ZNF512: variants seen among roughly 807,000 people sequenced by gnomAD.
ZNF512 encodes the protein zinc finger protein 512.
ZNF512 carries 25 observed loss-of-function variants against 77.5 expected under a neutral mutation model. The ratio of observed to expected loss-of-function variants is 0.32; its 90% CI spans 0.23 to 0.45. ZNF512 has a LOEUF of 0.45. Among genes scored for constraint, ZNF512 ranks in the 20% least tolerant of loss-of-function variants. The probability of loss-of-function intolerance (pLI) is 1.00; values close to 1 mark genes in which losing one functional copy is unlikely to be tolerated. For missense variants in ZNF512, 483 were observed against 692.6 expected, an observed-to-expected ratio of 0.70 and a Z score of 3.40; for synonymous variants, 246 against 239.9, an observed-to-expected ratio of 1.03 and a Z score of -0.24.
Position 27,615,272 on chromosome 2 carries a change from G to C in ZNF512, c.1233+3G>C, listed in dbSNP as rs758954467. On this transcript the variant is annotated splice_donor_region_variant and intron_variant, in intron 11 of 13. Transcript: ENST00000355467. ...ATCGTATTCAGTGTCCTAACCAGGT[G>C]GTTCTTTCTCATTCATTTATTCAGT... 42 of 1,558,814 alleles carry C rather than the reference G, an allele frequency of 2.7e-5. No individual in the cohort carries two copies. Among genetic ancestry groups the C allele is most frequent in the Non-Finnish European group, 3.5e-5 (40 of 1,148,878 alleles).
In ZNF512 at chr2:27,610,490, A is replaced by G. The variant is rs1349283568; in HGVS notation, c.1131+2451A>G. On this transcript the variant is annotated intron_variant, in intron 10 of 13. Coordinates refer to ENST00000355467, the MANE Select transcript of ZNF512 (RefSeq NM_032434.4). ...TATGTGTATATGTGTATATATATAT[A>G]TGTGTATATGTGTATATATATGTGT... is the stretch of plus-strand genomic sequence containing the variant. Among the ~76,000 whole-genome samples, 55 of 126,134 alleles carry G rather than the reference A, an allele frequency of 4.4e-4. 1 individual carries two copies. Among genetic ancestry groups the G allele is most frequent in the African/African-American group, 1.4e-3 (43 of 30,768 alleles). 82.7% of individuals were successfully genotyped at this position (126,134 alleles called of 152,430 possible). A position where few individuals can be genotyped will look rare whatever the true frequency, so the allele number is the denominator to read the frequency against.
At chr2:27,600,669 T>C (rs753439721) in intron 5 of ZNF512, 22 bp from the exon 6 acceptor site, 2 of 1,606,354 alleles carry the variant, frequency 1.2e-6, no homozygotes, top group South Asian at 1.1e-5. Flanking sequence ...GATTACAAAG[T>C]GTTTCTTTCT....
chr2:27,600,124 A>T, intron 5 of ZNF512, 71 bp downstream of exon 5: 1 of 1,519,424 alleles, frequency 6.6e-7, no homozygotes, highest in Non-Finnish European at 9.0e-7. Context: ...GTTGTCTGTG[A>T]AGGAATGAGG....
intron 10 of ZNF512, among the ~76,000 whole-genome samples, chr2:27,608,419 A>G (rs1365674339): frequency 6.6e-6 from 1 of 152,134 alleles, no homozygotes; most frequent in Non-Finnish European, 1.5e-5. Flanking sequence ...TTTTCAAAAT[A>G]AAATCCTATG....
chr2:27,586,740 A>G (rs1047611217), intron 2 of ZNF512, among the ~76,000 whole-genome samples: 13 of 152,170 alleles, frequency 8.5e-5, no homozygotes, highest in Non-Finnish European at 1.9e-4. Context: ...CATCTCTCTC[A>G]AAAGTTTGTT....
rs2148052654 is a variant in ZNF512, at chr2:27,622,297, C to G, written c.*836C>G. 6.5e-6 allele frequency: 1 copy of G among 152,798 alleles called. No homozygotes were observed. Among genetic ancestry groups the G allele is most frequent in the East Asian group, 1.9e-4 (1 of 5,326 alleles). 9.5% of individuals were successfully genotyped at this position (152,798 alleles called of 1,614,324 possible). A position where few individuals can be genotyped will look rare whatever the true frequency, so the allele number is the denominator to read the frequency against. On this transcript the variant is annotated 3_prime_UTR_variant, in exon 14 of 14. Coordinates refer to ENST00000355467, the MANE Select transcript of ZNF512 (RefSeq NM_032434.4). The stretch of plus-strand genomic sequence containing the variant: ...TTTGGTTTTAAGAATTGAGAAATAT[C>G]ACATTGCCCCTGATGTTTTGACAGT...
Position 27,596,662 on chromosome 2 carries a change from G to A in ZNF512, c.90-1405G>A, listed in dbSNP as rs186371796. On this transcript the variant is annotated intron_variant, in intron 2 of 13. Coordinates refer to ENST00000355467, the MANE Select transcript of ZNF512 (RefSeq NM_032434.4). Reference sequence around the variant, plus strand: ...TACTTGTTTTTGTTTGTTTTACAGAGTCCAGTGAGCAGGAGGGGTGGGCCT... The same window carrying A: ...TACTTGTTTTTGTTTGTTTTACAGAATCCAGTGAGCAGGAGGGGTGGGCCT... 1.3e-3 allele frequency among the ~76,000 whole-genome samples: 198 copies of A among 152,332 alleles called. 1 individual carries two copies. Among genetic ancestry groups the A allele is most frequent in the African/African-American group, 4.6e-3 (190 of 41,574 alleles).
At position 27,622,488 on chromosome 2, in the gene ZNF512, A is replaced by G. The variant is rs1234805768; in HGVS notation, c.*1027A>G. ...AGAATATTGTCCTATCCTCTTTTAT[A>G]TATGGAGTTCTCTCCTCTTTATATC... is the stretch of plus-strand genomic sequence containing the variant. On this transcript the variant is annotated 3_prime_UTR_variant, in exon 14 of 14. Coordinates refer to ENST00000355467, the MANE Select transcript of ZNF512 (RefSeq NM_032434.4). The G allele has an allele frequency of 6.5e-6, 1 of 152,722 alleles. No individual in the cohort carries two copies. Among genetic ancestry groups the G allele is most frequent in the African/African-American group, 2.4e-5 (1 of 41,434 alleles). The allele number at this position is 152,722 out of a possible 1,614,324, so 9.5% of individuals were successfully genotyped here.
At chr2:27,591,621 G>A (rs909742317) in intron 2 of ZNF512, among the ~76,000 whole-genome samples, 5 of 152,212 alleles carry the variant, frequency 3.3e-5, no homozygotes, top group Non-Finnish European at 4.4e-5. Context: ...ATGTTGGCCA[G>A]GATGGTCTTG....
rs976092265 is a variant in ZNF512 at position 27,622,604 on chromosome 2, T to C, written c.*1143T>C. 1 of 152,808 alleles carries C rather than the reference T, an allele frequency of 6.5e-6. No homozygotes were observed. Among genetic ancestry groups the C allele is most frequent in the African/African-American group, 2.4e-5 (1 of 41,464 alleles). 9.5% of individuals were successfully genotyped at this position (152,808 alleles called of 1,614,324 possible). Reference sequence around the variant, plus strand: ...CTCATGCCTATCTGGTAATGTTTAATGGGTTATTTCTCTTTGAGGGTGGCT... The same window carrying C: ...CTCATGCCTATCTGGTAATGTTTAACGGGTTATTTCTCTTTGAGGGTGGCT... On this transcript the variant is annotated 3_prime_UTR_variant, in exon 14 of 14. Coordinates refer to ENST00000355467, the MANE Select transcript of ZNF512 (RefSeq NM_032434.4).
intron 2 of ZNF512, among the ~76,000 whole-genome samples, chr2:27,595,819 G>A (rs1354478546): frequency 1.3e-5 from 2 of 151,986 alleles, no homozygotes; most frequent in Non-Finnish European, 2.9e-5. Context: ...TTTCTTGTGT[G>A]TTTTCTTTAT....
intron 13 of ZNF512, among the ~76,000 whole-genome samples, chr2:27,620,203 T>C (rs1361819966): frequency 6.6e-6 from 1 of 152,204 alleles, no homozygotes; most frequent in Non-Finnish European, 1.5e-5. Flanking sequence ...TATTGAGATA[T>C]TTTACATTTT....
intron 2 of ZNF512, among the ~76,000 whole-genome samples, chr2:27,594,999 C>T (rs992533027): frequency 3.3e-5 from 5 of 152,134 alleles, no homozygotes; most frequent in Non-Finnish European, 5.9e-5. Context: ...CGTGGCGGCG[C>T]GTGCCTGCAA....
intron 10 of ZNF512, among the ~76,000 whole-genome samples, chr2:27,609,153 T>C (rs2148033058): frequency 6.6e-6 from 1 of 151,250 alleles, no homozygotes; most frequent in African/African-American, 2.4e-5. Flanking sequence ...GGTCAAACCC[T>C]AGTTTCTAAC....
chr2:27,601,157 G>C (rs1250082770), intron 6 of ZNF512, among the ~76,000 whole-genome samples, 199 bp from the exon 7 acceptor site: 1 of 152,182 alleles, frequency 6.6e-6, no homozygotes, highest in Admixed American at 6.5e-5. Context: ...TTGGTTAATG[G>C]TAATTCTTAT....
At chr2:27,604,174 A>G (rs1425503565) in intron 9 of ZNF512, among the ~76,000 whole-genome samples, 5 of 151,950 alleles carry the variant, frequency 3.3e-5, no homozygotes, top group Non-Finnish European at 2.9e-5. Flanking sequence ...TGATCTGCCC[A>G]CCTCGGCCTC....
At chr2:27,611,784 G>A (rs1469087442) in intron 10 of ZNF512, among the ~76,000 whole-genome samples, 3 of 149,142 alleles carry the variant, frequency 2.0e-5, no homozygotes, top group Non-Finnish European at 1.5e-5. Context: ...TGCAACCTCC[G>A]CCTCCCGGGT....
At chr2:27,584,530 C>A (rs1671246964) in intron 2 of ZNF512, among the ~76,000 whole-genome samples, 1 of 152,132 alleles carries the variant, frequency 6.6e-6, no homozygotes, top group South Asian at 2.1e-4. Flanking sequence ...AACTAGCAGT[C>A]TAGAAGGGGA....
chr2:27,599,544 T>C (rs780877720), intron 3 of ZNF512, 39 bp from the exon 4 acceptor site: 2 of 1,480,368 alleles, frequency 1.4e-6, no homozygotes, highest in African/African-American at 2.8e-5. Context: ...ATTTACAAAG[T>C]GTGCTGAGTT....
Sources: allele counts gnomAD v4.1 joint callset (sites outside exome capture counted in the v4.1 genomes callset), GRCh38; gene constraint gnomAD v4.1.1; transcripts MANE v1.5; gene names NCBI Gene and HGNC (gene_info 2026-07-23, HGNC 2026-07-21).